The following TRIM5 variants were observed in gnomAD, a reference collection of about 807,000 sequenced individuals.
The protein encoded by TRIM5 is tripartite motif-containing protein 5.
TRIM5 carries 31 observed loss-of-function variants against 35.6 expected under a neutral mutation model. The observed-to-expected ratio is 0.87, with a 90% CI of 0.65 to 1.18. TRIM5 has a LOEUF of 1.18. Among genes scored for constraint, TRIM5 ranks in the 50% most tolerant of loss-of-function variants. TRIM5 has a pLI of 0.00. For missense variants in TRIM5, 609 were observed against 591.6 expected (o/e 1.03, Z -0.31); for synonymous variants, 243 against 215.6 (o/e 1.13, Z -1.11).
the TRIM5 span, among the ~76,000 whole-genome samples, chr11:5,628,996 G>T: frequency 6.6e-6 from 1 of 152,134 alleles, no homozygotes; most frequent in African/African-American, 2.4e-5. Context: ...ACAGGTCAAG[G>T]CCGGGTGCAG....
chr11:5,649,519 A>G, the TRIM5 span, among the ~76,000 whole-genome samples: 1 of 152,144 alleles, frequency 6.6e-6, no homozygotes, highest in South Asian at 2.1e-4. Context: ...AGTGTCCTTG[A>G]TAGTCAGGAT....
intron 4 of TRIM5, among the ~76,000 whole-genome samples, chr11:5,677,786 T>G (rs894218553): frequency 6.6e-6 from 1 of 152,172 alleles, no homozygotes; most frequent in Non-Finnish European, 1.5e-5. Flanking sequence ...TATTTAATTC[T>G]TTTCAGAAAA....
chr11:5,638,874 C>G, the TRIM5 span, among the ~76,000 whole-genome samples: 1 of 152,110 alleles, frequency 6.6e-6, no homozygotes, highest in East Asian at 1.9e-4. Flanking sequence ...GGGAGAAGGT[C>G]AGAGTAACTA....
At chr11:5,671,318 A>G (rs1851574399) in intron 4 of TRIM5, among the ~76,000 whole-genome samples, 1 of 112,208 alleles carries the variant, frequency 8.9e-6, no homozygotes, top group South Asian at 2.9e-4. Context: ...AAAAAAACAC[A>G]AAAAAACCCC....
At chr11:5,675,956 A>C (rs10838522) in intron 4 of TRIM5, among the ~76,000 whole-genome samples, 3 of 94,338 alleles carry the variant, frequency 3.2e-5, no homozygotes, top group Non-Finnish European at 7.9e-5. Flanking sequence ...GCGGTGTTTG[A>C]TTTTTTGTTC....
chr11:5,596,612 C>G, the TRIM5 span: 2 of 273,554 alleles, frequency 7.3e-6, no homozygotes, highest in South Asian at 4.0e-5. Context: ...GTTTATCCCC[C>G]ACCCCAGGCG....
the TRIM5 span, among the ~76,000 whole-genome samples, chr11:5,601,111 C>T: frequency 6.6e-6 from 1 of 152,180 alleles, no homozygotes; most frequent in Non-Finnish European, 1.5e-5. Flanking sequence ...TAGGATCCTG[C>T]TGAAGTTTAA....
chr11:5,672,157 A>G (rs1851630376), intron 4 of TRIM5, among the ~76,000 whole-genome samples: 2 of 152,236 alleles, frequency 1.3e-5, no homozygotes, highest in South Asian at 4.1e-4. Flanking sequence ...AAATATTCTC[A>G]GATGAAGACT....
At chr11:5,617,016 C>A in the TRIM5 span, among the ~76,000 whole-genome samples, 46 of 135,778 alleles carry the variant, frequency 3.4e-4, 5 homozygotes, top group African/African-American at 1.1e-3. Flanking sequence ...GGATTACAGG[C>A]ATAAGCCACC....
the TRIM5 span, chr11:5,612,207 A>G: frequency 6.6e-6 from 1 of 152,190 alleles, no homozygotes; most frequent in Non-Finnish European, 1.5e-5. Context: ...CATTCTTGTA[A>G]TATCTTTGCC....
the TRIM5 span, among the ~76,000 whole-genome samples, chr11:5,609,613 A>G: frequency 1.2e-4 from 18 of 152,238 alleles, no homozygotes; most frequent in Admixed American, 9.8e-4. Context: ...ACAGAAAAAC[A>G]AAATGAGACT....
At position 5,665,963 on chromosome 11, in the gene TRIM5, T is replaced by C. The variant is rs767545485; in HGVS notation, c.868+18A>G. ...CACTTGAATTCCATAACCCTGTTGTTGATCTAGCTCTCCTCACCTCTAAAC... is the reference window on the plus strand; with the variant it reads ...CACTTGAATTCCATAACCCTGTTGTCGATCTAGCTCTCCTCACCTCTAAAC... On this transcript the variant is annotated intron_variant, in intron 6 of 7. Coordinates refer to ENST00000380034, the MANE Select transcript of TRIM5 (RefSeq NM_033034.3). The C allele has an allele frequency of 2.9e-5, 47 of 1,594,708 alleles. No individual in the cohort carries two copies. The highest frequency in any genetic ancestry group is 3.9e-5 in the Non-Finnish European group (46 of 1,172,734).
chr11:5,589,278 T>C, the TRIM5 span: 1 of 151,876 alleles, frequency 6.6e-6, no homozygotes, highest in South Asian at 2.1e-4. Flanking sequence ...ACTCATCTAG[T>C]GTCCTCTTCT....
At chr11:5,609,519 A>G in the TRIM5 span, among the ~76,000 whole-genome samples, 2 of 152,142 alleles carry the variant, frequency 1.3e-5, no homozygotes, top group South Asian at 4.1e-4. Context: ...GTAGCAAAAG[A>G]TTTCCAAGCC....
In TRIM5 at chr11:5,669,618, T is replaced by C. The variant is rs944921363; in HGVS notation, c.745-1907A>G. Among the ~76,000 whole-genome samples the C allele has an allele frequency of 2.0e-5, 3 of 152,306 alleles. No individual in the cohort carries two copies. In the East Asian group the frequency reaches 5.8e-4, roughly 29 times the overall value. On this transcript the variant is annotated intron_variant, in intron 4 of 7. Coordinates refer to ENST00000380034, the MANE Select transcript of TRIM5 (RefSeq NM_033034.3). ...GTATGTAACATAAACCAAATAAAAC[T>C]GGATTAAGTGGTGAAAAAAACTTTG...
At chr11:5,634,602 C>T in the TRIM5 span, 1 of 1,591,258 alleles carries the variant, frequency 6.3e-7, no homozygotes, top group East Asian at 2.3e-5. Context: ...GACAAACTTA[C>T]TACAACTCTC....
chr11:5,649,870 A>G, the TRIM5 span, among the ~76,000 whole-genome samples: 1 of 152,202 alleles, frequency 6.6e-6, no homozygotes, highest in Non-Finnish European at 1.5e-5. Flanking sequence ...CCTCCTAAAG[A>G]ACTTTGCCCC....
chr11:5,593,269 C>G, the TRIM5 span, among the ~76,000 whole-genome samples: 2 of 152,182 alleles, frequency 1.3e-5, no homozygotes, highest in Non-Finnish European at 2.9e-5. Flanking sequence ...CTTGCAATAT[C>G]TACTTTTTTC....
chr11:5,621,568 C>G, the TRIM5 span, among the ~76,000 whole-genome samples: 3 of 152,168 alleles, frequency 2.0e-5, no homozygotes, highest in Non-Finnish European at 2.9e-5. Flanking sequence ...CTAAGAGTTT[C>G]CAAAAGTGAT....
Sources: gnomAD v4.1 joint callset for allele counts (sites outside exome capture counted in the v4.1 genomes callset) on GRCh38, gnomAD v4.1.1 for gene constraint, MANE v1.5 for transcripts, NCBI Gene and HGNC (gene_info 2026-07-23, HGNC 2026-07-21) for gene names.